Variants in GDPD5 observed in about 807,000 individuals in gnomAD.
The protein encoded by GDPD5 is glycerophosphodiester phosphodiesterase 2.
A neutral mutation model predicts 75.1 loss-of-function variants in GDPD5; 48 were observed. The ratio of observed to expected loss-of-function variants is 0.64; its 90% CI spans 0.51 to 0.81. The LOEUF is 0.81. GDPD5 is among the 40% of genes least tolerant of loss of function. The pLI, the probability that GDPD5 is intolerant of heterozygous loss-of-function variation, is 0.00. For missense variants in GDPD5, 706 were observed against 822.6 expected (o/e 0.86, Z 1.73); for synonymous variants, 336 against 339.0 (o/e 0.99, Z 0.10).
At chr11:75,519,596 A>G (rs372942844) in intron 1 of GDPD5, among the ~76,000 whole-genome samples, 4 of 152,240 alleles carry the variant, frequency 2.6e-5, no homozygotes, top group African/African-American at 9.6e-5. Context: ...TTACACGTAT[A>G]ATTCATTTCA....
Position 75,441,757 on chromosome 11 carries a change from G to A in GDPD5, c.1214C>T (p.Ala405Val). The change falls in exon 13 of 17, where the codon GCT (alanine) becomes GTT (valine). Residue 405 changes from alanine (A) to valine (V), a missense_variant. Ala to Val is a moderately conservative substitution (Grantham distance 64). Coordinates refer to ENST00000336898, the MANE Select transcript of GDPD5 (RefSeq NM_030792.8). ...GCCTGATGTCTGTTGGAAGCCGGGA[G>A]CCACCTTCCGCACCAGGGGCCTCTG... The part of the protein sequence containing the change: ...SRQRPLVRKV[A>V]PGFQQTSGSK... 2 of 1,611,222 alleles carry A rather than the reference G, an allele frequency of 1.2e-6. No individual in the cohort carries two copies. The highest frequency in any genetic ancestry group is 1.7e-6 in the Non-Finnish European group (2 of 1,179,906).
At chr11:75,523,234 C>G (rs559551217) in intron 1 of GDPD5, among the ~76,000 whole-genome samples, 14 of 152,202 alleles carry the variant, frequency 9.2e-5, no homozygotes, top group Non-Finnish European at 2.1e-4. Context: ...CAGTGCCACT[C>G]AGCTAGTGGG....
chr11:75,476,094 C>T (rs1258835732), intron 3 of GDPD5, among the ~76,000 whole-genome samples: 4 of 152,318 alleles, frequency 2.6e-5, no homozygotes, highest in Non-Finnish European at 5.9e-5. Context: ...CATCCTTCTT[C>T]TCACCTTAGC....
intron 2 of GDPD5, among the ~76,000 whole-genome samples, chr11:75,481,259 C>G (rs531013672): frequency 6.6e-6 from 1 of 152,298 alleles, no homozygotes; most frequent in African/African-American, 2.4e-5. Context: ...CAGGCCCACT[C>G]ACTACTTCTA....
intron 2 of GDPD5, among the ~76,000 whole-genome samples, chr11:75,487,043 G>A (rs1326548446): frequency 6.6e-6 from 1 of 152,156 alleles, no homozygotes; most frequent in Non-Finnish European, 1.5e-5. Flanking sequence ...CCCAGGGTGA[G>A]GGCTGCAGGT....
In GDPD5 at chr11:75,450,050, G is replaced by C. The variant is rs1455182751; in HGVS notation, c.376-67C>G. 3.1e-6 allele frequency: 4 copies of C among 1,286,182 alleles called. No homozygotes were observed. The African/African-American group carries it at 4.4e-5, about 14-fold the overall frequency. The allele number at this position is 1,286,182 out of a possible 1,614,324, so 79.7% of individuals were successfully genotyped here. ...GGGAGGGTTCCCAGTGTGTCTGAGA[G>C]AGGAGCCAGAGGGAGAGACAGAGAG... On this transcript the variant is annotated intron_variant, in intron 6 of 16. Transcript: ENST00000336898.
At chr11:75,523,760 G>A (rs780807285) in intron 1 of GDPD5, among the ~76,000 whole-genome samples, 1 of 152,230 alleles carries the variant, frequency 6.6e-6, no homozygotes, top group Non-Finnish European at 1.5e-5. Context: ...CCAGACAGAG[G>A]TCTGGGGTAG....
At chr11:75,439,433 CAGAG>C (rs1433783372) in intron 15 of GDPD5, 1 of 440,792 alleles carries the variant, frequency 2.3e-6, no homozygotes, top group Non-Finnish European at 4.6e-6. Flanking sequence ...CAGGATGGGA[CAGAG>C]AGAGAACATC....
In GDPD5 at chr11:75,441,863, ACTC is replaced by A. The variant is rs1365879110; in HGVS notation, c.1168-63_1168-61del. On this transcript the variant is annotated intron_variant, in intron 12 of 16. Coordinates refer to ENST00000336898, the MANE Select transcript of GDPD5 (RefSeq NM_030792.8). ...TTCTGCACGATGCGTAAGAGTACCT[ACTC>A]CTCCTAGAGCACCTGTGGGGTTAAG... The A allele has an allele frequency of 1.5e-5, 23 of 1,497,626 alleles. No homozygotes were observed. In the East Asian group the frequency reaches 4.6e-4, roughly 30 times the overall value. 92.8% of individuals were successfully genotyped at this position (1,497,626 alleles called of 1,614,324 possible).
chr11:75,438,613 C>T (rs1250698138), intron 15 of GDPD5: 3 of 152,328 alleles, frequency 2.0e-5, no homozygotes, highest in Admixed American at 2.0e-4. Context: ...GTGAAGCTGC[C>T]TGACCCAGGA....
chr11:75,464,801 A>G (rs1423254027), intron 3 of GDPD5, among the ~76,000 whole-genome samples: 3 of 152,082 alleles, frequency 2.0e-5, no homozygotes, highest in Non-Finnish European at 4.4e-5. Context: ...CTTGGTCAGG[A>G]ATAGGGAAAC....
chr11:75,503,350 T>G (rs1344049948), intron 1 of GDPD5, among the ~76,000 whole-genome samples: 3 of 152,152 alleles, frequency 2.0e-5, no homozygotes, highest in Non-Finnish European at 4.4e-5. Context: ...GTCACTAAAT[T>G]TTGGGGTCAT....
chr11:75,486,375 G>A (rs1488175826), intron 2 of GDPD5, among the ~76,000 whole-genome samples: 1 of 152,212 alleles, frequency 6.6e-6, no homozygotes, highest in Non-Finnish European at 1.5e-5. Context: ...TGGTCGTCCT[G>A]AGCACCAGGG....
At position 75,443,187 on chromosome 11, in the gene GDPD5, C is replaced by T. The variant is rs954056036; in HGVS notation, c.897G>A (p.Met299Ile). 6.2e-7 allele frequency: 1 copy of T among 1,606,224 alleles called. No individual in the cohort carries two copies. The highest frequency in any genetic ancestry group is 8.5e-7 in the Non-Finnish European group (1 of 1,176,670). The change falls in exon 11 of 17, where the codon ATG (methionine) becomes ATA (isoleucine). Residue 299 changes from methionine to isoleucine, a missense_variant. By Grantham distance (10) the Met-to-Ile change is conservative. Transcript: ENST00000336898. ...GTCTCTGCAGGGTGGTCCAGTTAAGCATGGAGGCAGGCCTGCGGGCCAGCT... is the reference window on the plus strand; with the variant it reads ...GTCTCTGCAGGGTGGTCCAGTTAAGTATGGAGGCAGGCCTGCGGGCCAGCT... ...FPELARRPAS[M>I]LNWTTLQRLN...
intron 1 of GDPD5, among the ~76,000 whole-genome samples, chr11:75,511,375 G>A (rs1390054146): frequency 6.6e-6 from 1 of 152,156 alleles, no homozygotes; most frequent in African/African-American, 2.4e-5. Context: ...CTTTGACCAA[G>A]GAGTTGCATG....
rs765323778 is a variant in GDPD5 at position 75,444,364 on chromosome 11, G to A, written c.797+49C>T. 30 of 1,392,178 alleles carry A rather than the reference G, an allele frequency of 2.2e-5. No homozygotes were observed. The East Asian group carries it at 2.5e-4, about 12-fold the overall frequency. 86.2% of individuals were successfully genotyped at this position (1,392,178 alleles called of 1,614,324 possible). A position where few individuals can be genotyped will look rare whatever the true frequency, so the allele number is the denominator to read the frequency against. On this transcript the variant is annotated intron_variant, in intron 10 of 16. Transcript: ENST00000336898. Reference sequence around the variant, plus strand: ...CCCAGCAGAGACCCAGGTGGATGCCGAAGCGTGTGGGAGGGGTAGAGGAAC... The same window carrying A: ...CCCAGCAGAGACCCAGGTGGATGCCAAAGCGTGTGGGAGGGGTAGAGGAAC...
chr11:75,507,327 C>T (rs572688621), intron 1 of GDPD5, among the ~76,000 whole-genome samples: 1 of 152,364 alleles, frequency 6.6e-6, no homozygotes, highest in East Asian at 1.9e-4. Flanking sequence ...GAGATCACTG[C>T]TCCCCTCACC....
intron 2 of GDPD5, among the ~76,000 whole-genome samples, chr11:75,482,470 G>A (rs952130666): frequency 2.6e-5 from 4 of 152,102 alleles, no homozygotes; most frequent in African/African-American, 9.7e-5. Context: ...CCCAGGCCTT[G>A]CAGACCCAGT....
At chr11:75,476,167 A>T (rs1376297043) in intron 3 of GDPD5, among the ~76,000 whole-genome samples, 1 of 152,144 alleles carries the variant, frequency 6.6e-6, no homozygotes, top group African/African-American at 2.4e-5. Flanking sequence ...CCAGGTCCAG[A>T]TCCAGAACAA....
Sources: allele counts gnomAD v4.1 joint callset (sites outside exome capture counted in the v4.1 genomes callset), GRCh38; gene constraint gnomAD v4.1.1; transcripts MANE v1.5; gene names NCBI Gene and HGNC (gene_info 2026-07-23, HGNC 2026-07-21).